CRYBG1: variants seen among roughly 807,000 people sequenced by gnomAD.
The protein encoded by CRYBG1 is beta/gamma crystallin domain-containing protein 1.
CRYBG1 carries 139 observed loss-of-function variants against 189.2 expected under a neutral mutation model. That is an observed-to-expected ratio of 0.73 (90% CI 0.64 to 0.85). CRYBG1 has a LOEUF of 0.85. Ranked by LOEUF, CRYBG1 falls within the 40% of genes least tolerant of loss-of-function variation. The pLI, the probability that CRYBG1 is intolerant of heterozygous loss-of-function variation, is 0.00. For missense variants in CRYBG1, 2,611 were observed against 2,675.8 expected (o/e 0.98, Z 0.53); for synonymous variants, 1,023 against 1,017.1 (o/e 1.01, Z -0.11).
At chr6:106,450,720 A>G (rs1032592528) in intron 1 of CRYBG1, among the ~76,000 whole-genome samples, 1 of 152,212 alleles carries the variant, frequency 6.6e-6, no homozygotes, top group Admixed American at 6.5e-5. Flanking sequence ...ACATGGTCCC[A>G]AGATGTTCTA....
intron 2 of CRYBG1, among the ~76,000 whole-genome samples, chr6:106,484,118 T>C (rs565158118): frequency 1.1e-4 from 16 of 152,340 alleles, no homozygotes; most frequent in Non-Finnish European, 2.2e-4. Context: ...TCCAAATGTG[T>C]GTTCTTGTCA....
At chr6:106,523,890 C>G (rs1478845342) in intron 4 of CRYBG1, among the ~76,000 whole-genome samples, 1 of 152,126 alleles carries the variant, frequency 6.6e-6, no homozygotes, top group Admixed American at 6.5e-5. Context: ...TGCCACCACG[C>G]CCAGCTAATT....
At chr6:106,462,497 A>G (rs1043596127) in intron 2 of CRYBG1, among the ~76,000 whole-genome samples, 7 of 152,198 alleles carry the variant, frequency 4.6e-5, no homozygotes, top group African/African-American at 1.7e-4. Flanking sequence ...AGCTGGTTAG[A>G]GTTTAACTAG....
chr6:106,511,522 A>G lies in CRYBG1; in HGVS notation c.405A>G (p.Arg135=). Reference sequence around the variant, plus strand: ...CTGCAGGAAGGAGAAGAAACAGTAGAAACGGGTTAGAGAGTCCCACCAGAT... The same window carrying G: ...CTGCAGGAAGGAGAAGAAACAGTAGGAACGGGTTAGAGAGTCCCACCAGAT... ...LFTAGRRRNS[R]NGLESPTRSN... The change falls in exon 3 of 22, where the codon AGA becomes AGG. Residue 135 remains arginine, a synonymous_variant. Transcript: ENST00000633556. 6.5e-7 allele frequency: 1 copy of G among 1,535,778 alleles called. No individual in the cohort carries two copies. The highest frequency in any genetic ancestry group is 8.7e-7 in the Non-Finnish European group (1 of 1,146,602).
At chr6:106,465,921 A>C (rs1401121967) in intron 2 of CRYBG1, among the ~76,000 whole-genome samples, 1 of 152,190 alleles carries the variant, frequency 6.6e-6, no homozygotes, top group Non-Finnish European at 1.5e-5. Flanking sequence ...AATTTAATGA[A>C]TTGTTTTGAA....
chr6:106,426,317 A>G (rs1771225095), intron 1 of CRYBG1, among the ~76,000 whole-genome samples: 1 of 152,118 alleles, frequency 6.6e-6, no homozygotes, highest in African/African-American at 2.4e-5. Context: ...GGGCATTCCT[A>G]TCAACATACA....
At chr6:106,443,616 T>C (rs1387609807) in intron 1 of CRYBG1, among the ~76,000 whole-genome samples, 2 of 152,138 alleles carry the variant, frequency 1.3e-5, no homozygotes, top group African/African-American at 2.4e-5. Context: ...CAGAGGTGGA[T>C]TGATTGGAGC....
intron 2 of CRYBG1, among the ~76,000 whole-genome samples, chr6:106,498,364 G>C (rs757372404): frequency 2.6e-5 from 4 of 152,168 alleles, no homozygotes; most frequent in African/African-American, 4.8e-5. Context: ...TGGTCTCTCT[G>C]ATCAGGTTTT....
At chr6:106,422,018 C>T (rs1440716997) in intron 1 of CRYBG1, among the ~76,000 whole-genome samples, 1 of 152,210 alleles carries the variant, frequency 6.6e-6, no homozygotes, top group Non-Finnish European at 1.5e-5. Context: ...CCAGGTCCCT[C>T]CCACAACACA....
chr6:106,451,772 C>T lies in CRYBG1; in HGVS notation c.252C>T (p.Phe84=). Residue 84 remains phenylalanine (F), a synonymous_variant, in exon 2 of 22, where the codon TTC becomes TTT. Coordinates refer to ENST00000633556, the MANE Select transcript of CRYBG1 (RefSeq NM_001371242.2). ...EFPLHCGESQ[F]FHTTSEALGS... is the part of the protein sequence containing the mutation. ...CACTGCACTGTGGGGAATCCCAGTT[C>T]TTCCACACCACCAGTGAGGCGCTTG... 1 of 1,534,884 alleles carries T rather than the reference C, an allele frequency of 6.5e-7. No individual in the cohort carries two copies. Among genetic ancestry groups the T allele is most frequent in the Non-Finnish European group, 8.7e-7 (1 of 1,146,350 alleles).
chr6:106,362,574 G>A (rs1771901120), intron 1 of CRYBG1, among the ~76,000 whole-genome samples: 1 of 152,202 alleles, frequency 6.6e-6, no homozygotes, highest in Non-Finnish European at 1.5e-5. Flanking sequence ...ACTTAGAAGA[G>A]CGTGGCACTT....
chr6:106,491,428 A>C (rs1772719970), intron 2 of CRYBG1, among the ~76,000 whole-genome samples: 1 of 152,178 alleles, frequency 6.6e-6, no homozygotes, highest in Non-Finnish European at 1.5e-5. Context: ...GCTGAGATAG[A>C]GCATAGAGGC....
chr6:106,427,766 G>C (rs1053402623), intron 1 of CRYBG1, among the ~76,000 whole-genome samples: 60 of 152,082 alleles, frequency 3.9e-4, no homozygotes, highest in African/African-American at 1.4e-3. Flanking sequence ...ACCCTTCAGT[G>C]CTTCCTCATT....
At chr6:106,433,745 GTA>G (rs1383622812) in intron 1 of CRYBG1, among the ~76,000 whole-genome samples, 19 of 20,760 alleles carry the variant, frequency 9.2e-4, no homozygotes, top group African/African-American at 2.6e-3. Flanking sequence ...ACATATATAT[GTA>G]TATATATATG....
chr6:106,379,347 T>C (rs1419885704), intron 1 of CRYBG1, among the ~76,000 whole-genome samples: 3 of 151,698 alleles, frequency 2.0e-5, no homozygotes, highest in Non-Finnish European at 2.9e-5. Context: ...CAGCAATCTC[T>C]GCCTCCCGGG....
chr6:106,366,504 A>C (rs9373851), intron 1 of CRYBG1, among the ~76,000 whole-genome samples: 100,892 of 151,548 alleles, frequency 0.67, 33,748 homozygotes, highest in African/African-American at 0.74. Flanking sequence ...TATTTTTTAA[A>C]AATGACTAGC....
At position 106,568,643 on chromosome 6, in the gene CRYBG1, C is replaced by A. The variant is rs778376314; in HGVS notation, c.*77C>A. 2.1e-5 allele frequency: 23 copies of A among 1,071,332 alleles called. No individual in the cohort carries two copies. In the East Asian group the frequency reaches 5.0e-4, roughly 23 times the overall value. The allele number at this position is 1,071,332 out of a possible 1,614,324, so 66.4% of individuals were successfully genotyped here. A position where few individuals can be genotyped will look rare whatever the true frequency, so the allele number is the denominator to read the frequency against. On this transcript the variant is annotated 3_prime_UTR_variant, in exon 22 of 22. Transcript: ENST00000633556. ...TAAAAAGGACAATGCTGATGGAAGA[C>A]CAGACTGGAAAGTGGATCGACTCCT...
chr6:106,432,840 C>CTTTTTTTTTTTTTTTTTTTTTTT (rs5878888), intron 1 of CRYBG1, among the ~76,000 whole-genome samples: 1 of 128,882 alleles, frequency 7.8e-6, no homozygotes, highest in Admixed American at 8.1e-5. Flanking sequence ...TCTTTTCTTT[C>CTTTTTTTTTTTTTTTTTTTTTTT]TTTTTTTTTT....
intron 1 of CRYBG1, among the ~76,000 whole-genome samples, chr6:106,435,726 C>T (rs1229983386): frequency 6.6e-6 from 1 of 152,106 alleles, no homozygotes; most frequent in African/African-American, 2.4e-5. Flanking sequence ...CCTCAGTCTG[C>T]CACCATGCCC....
Sources: gnomAD v4.1 joint callset for allele counts (sites outside exome capture counted in the v4.1 genomes callset) on GRCh38, gnomAD v4.1.1 for gene constraint, MANE v1.5 for transcripts, NCBI Gene and HGNC (gene_info 2026-07-23, HGNC 2026-07-21) for gene names.